Variants in GALNT17 observed in about 807,000 individuals in gnomAD.
GALNT17 encodes the protein UDP-GalNAc:polypeptide N-acetylgalactosaminyltransferase-like 3.
GALNT17 carries 29 observed loss-of-function variants against 63.7 expected under a neutral mutation model. The ratio of observed to expected loss-of-function variants is 0.46; its 90% CI spans 0.34 to 0.62. The LOEUF (loss-of-function observed/expected upper bound fraction) is 0.62. Ranked by LOEUF, GALNT17 falls within the 20% of genes least tolerant of loss-of-function variation. GALNT17 has a pLI of 0.01. For missense variants in GALNT17, 603 were observed against 799.6 expected, an observed-to-expected ratio of 0.75 and a Z score of 2.97; for synonymous variants, 305 against 318.3, an observed-to-expected ratio of 0.96 and a Z score of 0.45.
At chr7:71,702,679 C>A (rs1270421905) in intron 9 of GALNT17, among the ~76,000 whole-genome samples, 1 of 151,976 alleles carries the variant, frequency 6.6e-6, no homozygotes, top group Non-Finnish European at 1.5e-5. Context: ...CTGAGGGAGG[C>A]AAGGAGGGGG....
chr7:71,441,616 C>T (rs1350894187), intron 5 of GALNT17, among the ~76,000 whole-genome samples: 2 of 152,118 alleles, frequency 1.3e-5, no homozygotes, highest in Non-Finnish European at 2.9e-5. Context: ...AGGTATTTGT[C>T]CTAATGCTCT....
chr7:71,619,832 T>C (rs1055861117), intron 6 of GALNT17, among the ~76,000 whole-genome samples: 6 of 152,172 alleles, frequency 3.9e-5, no homozygotes, highest in Non-Finnish European at 5.9e-5. Flanking sequence ...CTATGTTGAA[T>C]AGGAGTGGAG....
intron 6 of GALNT17, among the ~76,000 whole-genome samples, chr7:71,617,407 C>G (rs867650131): frequency 7.3e-5 from 11 of 151,350 alleles, no homozygotes; most frequent in Non-Finnish European, 1.6e-4. Flanking sequence ...CTGCAACTTC[C>G]ACTTCCTAGG....
intron 1 of GALNT17, among the ~76,000 whole-genome samples, chr7:71,293,933 G>T (rs1050660071): frequency 2.6e-5 from 4 of 152,148 alleles, no homozygotes; most frequent in African/African-American, 9.7e-5. Context: ...GCCAAGATGG[G>T]TGGGTCACGA....
chr7:71,580,302 A>G (rs529898142), intron 6 of GALNT17, among the ~76,000 whole-genome samples: 5 of 152,224 alleles, frequency 3.3e-5, no homozygotes, highest in African/African-American at 1.2e-4. Flanking sequence ...TACATGGATG[A>G]TAGATGTAGA....
intron 5 of GALNT17, among the ~76,000 whole-genome samples, chr7:71,528,036 TAGAG>T (rs948633671): frequency 1.3e-5 from 2 of 152,198 alleles, no homozygotes; most frequent in African/African-American, 2.4e-5. Context: ...AGCTACAAAA[TAGAG>T]AGCTTGAAAC....
At chr7:71,508,375 A>G (rs578134155) in intron 5 of GALNT17, among the ~76,000 whole-genome samples, 2 of 152,320 alleles carry the variant, frequency 1.3e-5, no homozygotes, top group East Asian at 3.9e-4. Context: ...TCCAGATTCC[A>G]TCATGCAAAG....
intron 1 of GALNT17, among the ~76,000 whole-genome samples, chr7:71,288,048 CAAA>C (rs35168193): frequency 3.5e-4 from 30 of 86,136 alleles, no homozygotes; most frequent in African/African-American, 6.2e-4. Flanking sequence ...GAGACTGTCT[CAAA>C]AAAAAAAAAA....
At chr7:71,359,706 C>T (rs1340077298) in intron 2 of GALNT17, among the ~76,000 whole-genome samples, 1 of 151,982 alleles carries the variant, frequency 6.6e-6, no homozygotes, top group Non-Finnish European at 1.5e-5. Context: ...GCCTCAGCCT[C>T]TTAAGTTGCT....
intron 6 of GALNT17, among the ~76,000 whole-genome samples, chr7:71,575,870 C>T (rs1584062860): frequency 6.6e-6 from 1 of 152,102 alleles, no homozygotes; most frequent in South Asian, 2.1e-4. Flanking sequence ...GCATGAAAGG[C>T]AACTTGCCTG....
chr7:71,481,391 A>C lies in GALNT17; in HGVS notation c.962+60286A>C, dbSNP rs1233967371. 5.9e-5 allele frequency among the ~76,000 whole-genome samples: 9 copies of C among 152,164 alleles called. No homozygotes were observed. The East Asian group carries it at 1.7e-3, about 29-fold the overall frequency. ...GCTTGAACCCGGGAGGCAGAGCTGC[A>C]GTGAGCGGAGATCGCACCACTGCAC... is the stretch of plus-strand genomic sequence containing the variant. On this transcript the variant is annotated intron_variant, in intron 5 of 10. Transcript: ENST00000333538.
intron 6 of GALNT17, among the ~76,000 whole-genome samples, chr7:71,576,529 T>TTGTGTGTGTGTGTGTGTGTG (rs3048366): frequency 9.1e-5 from 13 of 142,910 alleles, no homozygotes; most frequent in African/African-American, 2.1e-4. Flanking sequence ...TTTTTTAACT[T>TTGTGTGTGTGTGTGTGTGTG]TGTGTGTGTG....
At chr7:71,697,350 GTC>G (rs1266890303) in intron 9 of GALNT17, among the ~76,000 whole-genome samples, 3 of 152,218 alleles carry the variant, frequency 2.0e-5, no homozygotes, top group South Asian at 4.2e-4. Flanking sequence ...GAATATTCGG[GTC>G]TCAGAATAGT....
chr7:71,595,102 T>C (rs1402920265), intron 6 of GALNT17, among the ~76,000 whole-genome samples: 1 of 152,132 alleles, frequency 6.6e-6, no homozygotes, highest in African/African-American at 2.4e-5. Flanking sequence ...CAAAGACTGA[T>C]GGCCACCACC....
intron 9 of GALNT17, among the ~76,000 whole-genome samples, chr7:71,700,121 A>C (rs1185360025): frequency 6.6e-6 from 1 of 151,692 alleles, no homozygotes; most frequent in East Asian, 1.9e-4. Context: ...GCGAAAGCCC[A>C]TGTCTACTAA....
At chr7:71,363,232 G>C (rs1792439599) in intron 2 of GALNT17, among the ~76,000 whole-genome samples, 1 of 152,140 alleles carries the variant, frequency 6.6e-6, no homozygotes, top group Non-Finnish European at 1.5e-5. Flanking sequence ...CTCCCAAAGT[G>C]CTGGGATTAC....
At chr7:71,149,986 G>T (rs1234661284) in intron 1 of GALNT17, among the ~76,000 whole-genome samples, 1 of 152,162 alleles carries the variant, frequency 6.6e-6, no homozygotes, top group African/African-American at 2.4e-5. Context: ...GTGTGTCGGG[G>T]GCTGGAGGAG....
At chr7:71,253,969 A>G (rs1264341536) in intron 1 of GALNT17, among the ~76,000 whole-genome samples, 2 of 152,166 alleles carry the variant, frequency 1.3e-5, no homozygotes, top group East Asian at 3.9e-4. Context: ...ATGACTCTTG[A>G]CACAGTCCTG....
chr7:71,371,099 G>A (rs1053306964), intron 2 of GALNT17, among the ~76,000 whole-genome samples: 5 of 152,232 alleles, frequency 3.3e-5, no homozygotes, highest in South Asian at 2.1e-4. Flanking sequence ...AACTGTTGCT[G>A]ACTGTGGCAT....
Sources: gnomAD v4.1 joint callset for allele counts (sites outside exome capture counted in the v4.1 genomes callset) on GRCh38, gnomAD v4.1.1 for gene constraint, MANE v1.5 for transcripts, NCBI Gene and HGNC (gene_info 2026-07-23, HGNC 2026-07-21) for gene names.